Variants in RMDN1 observed in about 807,000 individuals in gnomAD.
The protein encoded by RMDN1 is regulator of microtubule dynamics protein 1.
In RMDN1, 48 loss-of-function variants were observed where a neutral mutation model predicts 48.9. The observed-to-expected ratio is 0.98, with a 90% CI of 0.78 to 1.25. The LOEUF (loss-of-function observed/expected upper bound fraction) is 1.25, where lower values mean the gene tolerates loss of function less well. Among genes scored for constraint, RMDN1 ranks in the 50% most tolerant of loss-of-function variants. The pLI is 0.00. For synonymous variants in RMDN1, 148 were observed against 132.6 expected, an observed-to-expected ratio of 1.12 and a Z score of -0.80; for missense variants, 418 against 373.4, an observed-to-expected ratio of 1.12 and a Z score of -0.98.
intron 4 of RMDN1, among the ~76,000 whole-genome samples, chr8:86,485,255 T>G (rs1815274074): frequency 1.3e-5 from 2 of 152,080 alleles, no homozygotes; most frequent in South Asian, 4.1e-4. Flanking sequence ...TGAAACCTTA[T>G]CTCTACTAAA....
chr8:86,504,503 C>G, intron 2 of RMDN1: 1 of 1,520,824 alleles, frequency 6.6e-7, no homozygotes, highest in South Asian at 1.1e-5. Context: ...CCCATCTATG[C>G]CACCATTGGT....
intron 5 of RMDN1, among the ~76,000 whole-genome samples, chr8:86,484,422 AATAAC>A (rs1374940007): frequency 6.6e-6 from 1 of 152,166 alleles, no homozygotes; most frequent in Non-Finnish European, 1.5e-5. Flanking sequence ...AATTGCAAGA[AATAAC>A]AAACTGTCGG....
chr8:86,482,584 G>A, intron 5 of RMDN1: 1 of 749,860 alleles, frequency 1.3e-6, no homozygotes. Context: ...GTTAATGAGT[G>A]AGTTTTTGTG....
chr8:86,468,443 A>T (rs781727642), downstream of RMDN1: 1 of 438,222 alleles, frequency 2.3e-6, no homozygotes, highest in South Asian at 1.7e-5. Flanking sequence ...TAAAAAAAAA[A>T]TTCTAATGTA....
chr8:86,487,622 C>A (rs7461735), intron 3 of RMDN1, among the ~76,000 whole-genome samples: 1 of 151,676 alleles, frequency 6.6e-6, no homozygotes, highest in African/African-American at 2.4e-5. Flanking sequence ...ATAATAAATT[C>A]TTTTTTATTA....
chr8:86,487,698 TTTAA>T (rs1366790203), intron 3 of RMDN1, among the ~76,000 whole-genome samples: 25 of 152,298 alleles, frequency 1.6e-4, no homozygotes, highest in African/African-American at 6.0e-4. Flanking sequence ...TAAAGCTTCC[TTTAA>T]TTAAGATAGT....
At chr8:86,470,713 GAAAC>G (rs1051713453), downstream of RMDN1, among the ~76,000 whole-genome samples, 13 of 152,246 alleles carry the variant, frequency 8.5e-5, no homozygotes, top group South Asian at 1.0e-3. Context: ...ACTGTAAAAA[GAAAC>G]AAACTATTGA....
At chr8:86,474,505 G>A (rs1219192655) in intron 9 of RMDN1, 147 bp from the exon 10 acceptor site, 7 of 709,182 alleles carry the variant, frequency 9.9e-6, no homozygotes, top group Non-Finnish European at 1.5e-5. Context: ...GTGACCAGAT[G>A]AGACTCTCAG....
At chr8:86,503,347 G>A (rs576760810) in intron 2 of RMDN1, among the ~76,000 whole-genome samples, 87 of 107,772 alleles carry the variant, frequency 8.1e-4, no homozygotes, top group African/African-American at 2.8e-3. Context: ...GCAAGACTCC[G>A]TCTCAAAACA....
At chr8:86,503,371 C>CAAAAAAAAACAAAAAA (rs1563656222) in intron 2 of RMDN1, among the ~76,000 whole-genome samples, 1 of 68,032 alleles carries the variant, frequency 1.5e-5, no homozygotes. Context: ...CAAAACAAAA[C>CAAAAAAAAACAAAAAA]AAAAAAAAAA....
chr8:86,472,650 G>A lies in RMDN1; in HGVS notation c.*1658C>T. Reference sequence around the variant, plus strand: ...ATTATTTTTTCACTGTATCAGTGGTGTGTCATATTTTTTTTTTTGCCATCC... The same window carrying A: ...ATTATTTTTTCACTGTATCAGTGGTATGTCATATTTTTTTTTTTGCCATCC... On this transcript the variant is annotated 3_prime_UTR_variant, in exon 10 of 10. Coordinates refer to ENST00000406452, the MANE Select transcript of RMDN1 (RefSeq NM_016033.3). The A allele has an allele frequency of 1.8e-6, 1 of 565,468 alleles. No individual in the cohort carries two copies. Among genetic ancestry groups the A allele is most frequent in the Non-Finnish European group, 3.1e-6 (1 of 321,182 alleles). The allele number at this position is 565,468 out of a possible 1,614,324, so 35.0% of individuals were successfully genotyped here.
chr8:86,468,565 A>G, downstream of RMDN1: 1 of 426,604 alleles, frequency 2.3e-6, no homozygotes. Flanking sequence ...AAATTTTGCC[A>G]TGACAGAAGT....
chr8:86,481,796 A>AT (rs1394194682), intron 5 of RMDN1: 328 of 1,092,708 alleles, frequency 3.0e-4, no homozygotes, highest in East Asian at 6.3e-4. Flanking sequence ...AGCCATCTTC[A>AT]TTTTTTTTGT....
intron 2 of RMDN1, among the ~76,000 whole-genome samples, chr8:86,501,003 A>C (rs1352688749): frequency 1.3e-5 from 2 of 152,174 alleles, no homozygotes; most frequent in Non-Finnish European, 2.9e-5. Flanking sequence ...CACTGAGTAC[A>C]CATGGACACA....
chr8:86,486,455 A>C (rs768132400), intron 4 of RMDN1, 29 bp downstream of exon 4: 2 of 1,517,700 alleles, frequency 1.3e-6, no homozygotes, highest in South Asian at 1.3e-5. Context: ...CTCTCAGTAC[A>C]TGGTTAATAG....
In RMDN1 at chr8:86,508,607, G is replaced by A. The variant is rs551980232; in HGVS notation, c.14C>T (p.Ala5Val). Reference protein sequence around the residue: MALAARLWRLLPFRR... With the variant: MALAVRLWRLLPFRR... ...GAAAGGCAGAAGGCGCCACAGTCGAGCAGCCAGCGCCATGACCTGCAACTT... is the reference window on the plus strand; with the variant it reads ...GAAAGGCAGAAGGCGCCACAGTCGAACAGCCAGCGCCATGACCTGCAACTT... The change falls in exon 1 of 10, where the codon GCT becomes GTT. Residue 5 changes from alanine (A) to valine (V), a missense_variant. By Grantham distance (64) the Ala-to-Val change is moderately conservative. Transcript: ENST00000406452. The A allele has an allele frequency of 1.2e-5, 19 of 1,602,904 alleles. No homozygotes were observed. The East Asian group carries it at 2.9e-4, about 25-fold the overall frequency.
At position 86,472,504 on chromosome 8, in the gene RMDN1, C is replaced by A; in HGVS notation, c.*1804G>T. 2 of 701,084 alleles carry A rather than the reference C, an allele frequency of 2.9e-6. No individual in the cohort carries two copies. The highest frequency in any genetic ancestry group is 1.5e-5 in the South Asian group (1 of 67,226). The allele number at this position is 701,084 out of a possible 1,614,324, so 43.4% of individuals were successfully genotyped here. On this transcript the variant is annotated 3_prime_UTR_variant, in exon 10 of 10. Coordinates refer to ENST00000406452, the MANE Select transcript of RMDN1 (RefSeq NM_016033.3). ...CCTACAAAAATAAAATTACAGTATA[C>A]AATAACCTTTTAAAATACAGCATCA...
At chr8:86,501,713 C>CAAG (rs10694195) in intron 2 of RMDN1, among the ~76,000 whole-genome samples, 40,128 of 151,610 alleles carry the variant, frequency 0.26, 6,161 homozygotes, top group East Asian at 0.53. Context: ...TTTTGACTTT[C>CAAG]AAGTTTAACT....
rs747307921 is a variant in RMDN1, at chr8:86,478,902, TAAC to T, written c.729+18_729+20del. Reference sequence around the variant, plus strand: ...TGTGGTTAAGAAATCCGTACTAACTTAACAAAGGACATCATACTACCTTCTCAT... The same window carrying T: ...TGTGGTTAAGAAATCCGTACTAACTTAAAGGACATCATACTACCTTCTCAT... On this transcript the variant is annotated intron_variant, in intron 7 of 9. Coordinates refer to ENST00000406452, the MANE Select transcript of RMDN1 (RefSeq NM_016033.3). 4 of 1,586,398 alleles carry T rather than the reference TAAC, an allele frequency of 2.5e-6. No homozygotes were observed. Among genetic ancestry groups the T allele is most frequent in the Non-Finnish European group, 2.6e-6 (3 of 1,154,976 alleles).
Sources: allele counts gnomAD v4.1 joint callset (sites outside exome capture counted in the v4.1 genomes callset), GRCh38; gene constraint gnomAD v4.1.1; transcripts MANE v1.5; gene names NCBI Gene and HGNC (gene_info 2026-07-23, HGNC 2026-07-21).